CHST9: variants seen among roughly 807,000 people sequenced by gnomAD.
CHST9 encodes carbohydrate sulfotransferase 9.
CHST9 carries 41 observed loss-of-function variants against 44.4 expected under a neutral mutation model. The ratio of observed to expected loss-of-function variants is 0.92; its 90% confidence interval spans 0.72 to 1.20. CHST9 has a LOEUF of 1.20. Ranked by LOEUF, CHST9 falls within the 50% of genes most tolerant of loss-of-function variation. The pLI is 0.00. For synonymous variants in CHST9, 171 were observed against 178.4 expected (o/e 0.96, Z 0.33); for missense variants, 504 against 516.5 (o/e 0.98, Z 0.23).
At chr18:27,150,672 C>CTAGAA (rs753002233) in intron 1 of CHST9, among the ~76,000 whole-genome samples, 1 of 152,156 alleles carries the variant, frequency 6.6e-6, no homozygotes, top group Non-Finnish European at 1.5e-5. Flanking sequence ...AGTGAGCAGA[C>CTAGAA]TAGAATACCC....
rs1555675551 is a variant in CHST9 at position 27,000,622 on chromosome 18, G to GTCTATCTACCTATCTATCTATCTA, written c.202+23493_202+23494insTAGATAGATAGATAGGTAGATAGA. 8.4e-3 allele frequency among the ~76,000 whole-genome samples: 1,238 copies of GTCTATCTACCTATCTATCTATCTA among 147,602 alleles called. 21 individuals are homozygous for GTCTATCTACCTATCTATCTATCTA. Among genetic ancestry groups the GTCTATCTACCTATCTATCTATCTA allele is most frequent in the African/African-American group, 0.029 (1,155 of 40,466 alleles). On this transcript the variant is annotated intron_variant, in intron 4 of 5. Transcript: ENST00000618847. ...TTTCTCTCCATCATTTATTTGTTTT[G>GTCTATCTACCTATCTATCTATCTA]TCTATCTATCTATCTATCTATCTAT...
At chr18:26,978,232 C>G (rs1261852970) in intron 4 of CHST9, among the ~76,000 whole-genome samples, 6 of 151,380 alleles carry the variant, frequency 4.0e-5, no homozygotes, top group Non-Finnish European at 1.5e-5. Context: ...TTTACTCTTC[C>G]CAACTAACCC....
At chr18:26,962,415 T>C (rs750333736) in intron 4 of CHST9, among the ~76,000 whole-genome samples, 6 of 151,428 alleles carry the variant, frequency 4.0e-5, no homozygotes, top group Non-Finnish European at 7.4e-5. Flanking sequence ...CTCAGCCTCC[T>C]AAGTAACTAG....
At chr18:26,960,888 C>G (rs1318697617) in intron 4 of CHST9, among the ~76,000 whole-genome samples, 2 of 152,164 alleles carry the variant, frequency 1.3e-5, no homozygotes, top group South Asian at 2.1e-4. Context: ...TTTTGCCCAT[C>G]ATATGTTTTA....
chr18:26,920,267 T>C (rs2055623689), intron 5 of CHST9, among the ~76,000 whole-genome samples: 1 of 152,212 alleles, frequency 6.6e-6, no homozygotes, highest in Admixed American at 6.5e-5. Context: ...TTTCCTGGTT[T>C]GCAATTCTTT....
intron 1 of CHST9, among the ~76,000 whole-genome samples, chr18:27,170,501 A>C (rs1270505731): frequency 6.6e-6 from 1 of 152,210 alleles, no homozygotes; most frequent in Non-Finnish European, 1.5e-5. Flanking sequence ...AAAGTAGGAC[A>C]CTTCAAAGAT....
At chr18:27,031,709 C>G (rs572019697) in intron 3 of CHST9, among the ~76,000 whole-genome samples, 1 of 152,188 alleles carries the variant, frequency 6.6e-6, no homozygotes, top group South Asian at 2.1e-4. Context: ...ACTCAGAATT[C>G]TCTACAAATT....
At chr18:26,994,205 A>G (rs960411552) in intron 4 of CHST9, among the ~76,000 whole-genome samples, 4 of 152,164 alleles carry the variant, frequency 2.6e-5, no homozygotes, top group Non-Finnish European at 5.9e-5. Context: ...AGGGCACACA[A>G]CTCAGTTCCT....
rs1343369969 is a variant in CHST9 at position 26,906,548 on chromosome 18, C to A, written c.*9711G>T. On this transcript the variant is annotated 3_prime_UTR_variant, in exon 6 of 6. Transcript: ENST00000618847. ...TACTTTACATGCATTTCCCATACCC[C>A]CCTTACTAGGTAGGTATTCTATCCT... is the stretch of plus-strand genomic sequence containing the variant. The A allele has an allele frequency of 6.6e-6, 1 of 152,144 alleles. No individual in the cohort carries two copies. Among genetic ancestry groups the A allele is most frequent in the East Asian group, 1.9e-4 (1 of 5,194 alleles). 9.4% of individuals were successfully genotyped at this position (152,144 alleles called of 1,614,324 possible). A position where few individuals can be genotyped will look rare whatever the true frequency, so the allele number is the denominator to read the frequency against.
chr18:27,036,333 A>C (rs72880575), intron 3 of CHST9, among the ~76,000 whole-genome samples: 4,350 of 152,294 alleles, frequency 0.029, 59 homozygotes, highest in Middle Eastern at 0.068. Context: ...TTAAAAAAAG[A>C]AACAAATATC....
intron 2 of CHST9, among the ~76,000 whole-genome samples, chr18:27,094,730 T>C (rs58664460): frequency 0.027 from 4,101 of 152,272 alleles, 176 homozygotes; most frequent in African/African-American, 0.092. Context: ...TTAACCCTCA[T>C]GGCAACCTAA....
intron 2 of CHST9, 66 bp from the exon 3 acceptor site, chr18:27,048,569 A>G (rs575508362): frequency 2.2e-6 from 3 of 1,383,014 alleles, no homozygotes; most frequent in Admixed American, 3.9e-5. Context: ...AATAAGATGA[A>G]AGCCCAGTTT....
Position 26,957,600 on chromosome 18 carries a change from G to A in CHST9, c.203-13234C>T, listed in dbSNP as rs117108106. ...AAAAAAATAGCCAAGCATCAGATCT[G>A]GACTTTAATAACGACAATAGCAATC... On this transcript the variant is annotated intron_variant, in intron 4 of 5. Transcript: ENST00000618847. 8.3e-4 allele frequency among the ~76,000 whole-genome samples: 124 copies of A among 149,878 alleles called. 3 individuals carry two copies. The East Asian group carries it at 0.022, about 27-fold the overall frequency.
chr18:27,100,918 TGG>T (rs2058165174), intron 2 of CHST9, among the ~76,000 whole-genome samples: 1 of 152,234 alleles, frequency 6.6e-6, no homozygotes, highest in African/African-American at 2.4e-5. Flanking sequence ...CATTTCCTAT[TGG>T]TTGGGACAGA....
At position 27,003,372 on chromosome 18, in the gene CHST9, A is replaced by C. The variant is rs987716106; in HGVS notation, c.202+20744T>G. On this transcript the variant is annotated intron_variant, in intron 4 of 5. Coordinates refer to ENST00000618847, the MANE Select transcript of CHST9 (RefSeq NM_031422.6). ...AAGACCTAGATCTACCACTCATGGG[A>C]GGTTAGCCCAAAGCTCACAAACTAG... Among the ~76,000 whole-genome samples the C allele has an allele frequency of 3.3e-5, 5 of 152,180 alleles. 1 individual carries two copies. Among genetic ancestry groups the C allele is most frequent in the Admixed American group, 2.0e-4 (3 of 15,276 alleles).
At chr18:27,052,799 G>A (rs1009193799) in intron 2 of CHST9, among the ~76,000 whole-genome samples, 14 of 152,010 alleles carry the variant, frequency 9.2e-5, no homozygotes, top group Admixed American at 4.6e-4. Context: ...AGAAACCATC[G>A]TCCTCAGCGA....
chr18:27,056,391 T>G (rs574862386), intron 2 of CHST9, among the ~76,000 whole-genome samples: 3 of 152,324 alleles, frequency 2.0e-5, no homozygotes, highest in Admixed American at 2.0e-4. Context: ...ACCTTTTCTG[T>G]GCTTTTTAGC....
intron 1 of CHST9, among the ~76,000 whole-genome samples, chr18:27,177,429 T>G (rs2058877038): frequency 6.6e-6 from 1 of 151,852 alleles, no homozygotes; most frequent in South Asian, 2.1e-4. Flanking sequence ...GGTCACCACT[T>G]TAATTCCATC....
intron 2 of CHST9, among the ~76,000 whole-genome samples, chr18:27,130,164 T>C (rs1453174313): frequency 3.3e-5 from 5 of 152,168 alleles, no homozygotes; most frequent in Admixed American, 3.3e-4. Flanking sequence ...TTATTTCTAT[T>C]AGGAAAATTA....
Sources: gnomAD v4.1 joint callset for allele counts (sites outside exome capture counted in the v4.1 genomes callset) on GRCh38, gnomAD v4.1.1 for gene constraint, MANE v1.5 for transcripts, NCBI Gene and HGNC (gene_info 2026-07-23, HGNC 2026-07-21) for gene names.